SIPA1L2: variants seen among roughly 807,000 people sequenced by gnomAD.
SIPA1L2 encodes signal induced proliferation associated 1 like 2.
SIPA1L2 carries 56 observed loss-of-function variants against 163.9 expected under a neutral mutation model. That is an observed-to-expected ratio of 0.34 (90% CI 0.28 to 0.43). The LOEUF (loss-of-function observed/expected upper bound fraction) is 0.43. SIPA1L2 is among the 20% of genes least tolerant of loss of function. The pLI, the probability that SIPA1L2 is intolerant of heterozygous loss-of-function variation, is 1.00. For synonymous variants in SIPA1L2, 877 were observed against 865.7 expected, an observed-to-expected ratio of 1.01 and a Z score of -0.23; for missense variants, 1,974 against 2,193.5, an observed-to-expected ratio of 0.90 and a Z score of 2.00.
intron 15 of SIPA1L2, among the ~76,000 whole-genome samples, chr1:232,434,057 G>A (rs2102839303): frequency 6.6e-6 from 1 of 152,332 alleles, no homozygotes; most frequent in East Asian, 1.9e-4. Flanking sequence ...AAGTGACCCA[G>A]CAAAGGATTA....
chr1:232,558,420 C>T (rs1039251545), intron 2 of SIPA1L2, among the ~76,000 whole-genome samples: 16 of 152,186 alleles, frequency 1.1e-4, no homozygotes, highest in African/African-American at 3.6e-4. Flanking sequence ...CCCCCGGCCA[C>T]GGTTCTGATG....
chr1:232,403,096 G>A (rs1423485093), intron 21 of SIPA1L2, among the ~76,000 whole-genome samples: 24 of 152,238 alleles, frequency 1.6e-4, no homozygotes, highest in Admixed American at 1.5e-3. Context: ...AAGGCCAATC[G>A]GCGAGTTATC....
intron 7 of SIPA1L2, among the ~76,000 whole-genome samples, chr1:232,474,325 C>T (rs370616182): frequency 8.5e-5 from 13 of 152,276 alleles, no homozygotes; most frequent in South Asian, 8.3e-4. Flanking sequence ...TTCTAACACT[C>T]GATTCCAGCT....
Position 232,578,260 on chromosome 1 carries a change from GAA to G in SIPA1L2, c.-318-4040_-318-4039del, listed in dbSNP as rs11341816. On this transcript the variant is annotated intron_variant, in intron 1 of 22. Transcript: ENST00000674635. Reference sequence around the variant, plus strand: ...GTAACTGTAACTTTTAAATGCACTGGAAAAAAAAAAAATCTGTGTGACTTGCT... The same window carrying G: ...GTAACTGTAACTTTTAAATGCACTGGAAAAAAAAAATCTGTGTGACTTGCT... 2.0e-3 allele frequency among the ~76,000 whole-genome samples: 296 copies of G among 146,096 alleles called. 1 individual carries two copies. Among genetic ancestry groups the G allele is most frequent in the African/African-American group, 5.0e-3 (198 of 39,938 alleles).
At chr1:232,499,389 CTGA>C (rs1558225217) in intron 3 of SIPA1L2, among the ~76,000 whole-genome samples, 1 of 152,190 alleles carries the variant, frequency 6.6e-6, no homozygotes, top group African/African-American at 2.4e-5. Context: ...AGCCTTACTG[CTGA>C]TATGAAGAAA....
intron 18 of SIPA1L2, 91 bp from the exon 19 acceptor site, chr1:232,415,716 CCA>C: frequency 1.3e-6 from 2 of 1,561,754 alleles, no homozygotes; most frequent in Admixed American, 3.5e-5. Flanking sequence ...ACTGCCCCTC[CCA>C]GAGTCAGTCA....
rs1667119308 is a variant in SIPA1L2 at position 232,514,358 on chromosome 1, A to G, written c.982T>C (p.Cys328Arg). Residue 328 changes from cysteine (C) to arginine (R), a missense_variant, in exon 3 of 23, where the codon TGT (cysteine) becomes CGT (arginine). Physicochemically the swap from Cys to Arg is radical, Grantham distance 180 (BLOSUM62 -3). Around this residue, in one of 3 missense-constraint regions of SIPA1L2, gnomAD observed 607 missense variants for 624.0 expected, o/e 0.97. Transcript: ENST00000674635. Reference protein sequence around the residue: ...RGIRPWNCQRCFAHYDVQSIL... With the variant: ...RGIRPWNCQRRFAHYDVQSIL... ...CTCTGGACATCATAATGTGCAAAACATCGCTGACAATTCCAAGGGCGAATG... is the reference window on the plus strand; with the variant it reads ...CTCTGGACATCATAATGTGCAAAACGTCGCTGACAATTCCAAGGGCGAATG... 1 of 1,613,470 alleles carries G rather than the reference A, an allele frequency of 6.2e-7. No individual in the cohort carries two copies. The highest frequency in any genetic ancestry group is 8.5e-7 in the Non-Finnish European group (1 of 1,180,038).
intron 19 of SIPA1L2, among the ~76,000 whole-genome samples, chr1:232,404,873 A>G (rs540868157): frequency 6.6e-6 from 1 of 152,188 alleles, no homozygotes; most frequent in East Asian, 1.9e-4. Flanking sequence ...TTGGTTTCTG[A>G]GCACACTTAT....
At chr1:232,563,515 T>C (rs1015801637) in intron 2 of SIPA1L2, among the ~76,000 whole-genome samples, 2 of 152,192 alleles carry the variant, frequency 1.3e-5, no homozygotes, top group Non-Finnish European at 2.9e-5. Flanking sequence ...AGAAGGTCTG[T>C]TGTGATGATT....
chr1:232,626,487 C>T (rs758565142), intron 1 of SIPA1L2, among the ~76,000 whole-genome samples: 19 of 152,112 alleles, frequency 1.2e-4, no homozygotes, highest in Admixed American at 2.6e-4. Flanking sequence ...GATCTGGCTC[C>T]CTTCTACAGC....
intron 5 of SIPA1L2, 41 bp downstream of exon 5, chr1:232,490,833 A>T: frequency 1.3e-6 from 2 of 1,540,244 alleles, no homozygotes; most frequent in Non-Finnish European, 1.8e-6. Context: ...AGAAACAGAC[A>T]CAAATTCACA....
intron 2 of SIPA1L2, among the ~76,000 whole-genome samples, chr1:232,563,532 T>C (rs1351256254): frequency 6.6e-6 from 1 of 152,214 alleles, no homozygotes; most frequent in Admixed American, 6.5e-5. Context: ...GATTACATTA[T>C]AATAATTATT....
At chr1:232,441,701 G>T in intron 13 of SIPA1L2, 67 bp downstream of exon 13, 2 of 1,283,952 alleles carry the variant, frequency 1.6e-6, no homozygotes, top group South Asian at 2.5e-5. Flanking sequence ...GAAGTGATGG[G>T]AGAGGAGGGG....
intron 3 of SIPA1L2, among the ~76,000 whole-genome samples, chr1:232,507,017 A>C (rs957015884): frequency 6.6e-6 from 1 of 152,326 alleles, no homozygotes. Context: ...TACATTTGTT[A>C]TGATGAACGA....
At chr1:232,521,209 C>T (rs897572382) in intron 2 of SIPA1L2, among the ~76,000 whole-genome samples, 15 of 152,096 alleles carry the variant, frequency 9.9e-5, no homozygotes, top group Non-Finnish European at 1.5e-4. Flanking sequence ...CTATGATCTG[C>T]GAAGGGGAAT....
chr1:232,533,710 C>T (rs555458205), intron 2 of SIPA1L2, among the ~76,000 whole-genome samples: 1 of 152,274 alleles, frequency 6.6e-6, no homozygotes, highest in South Asian at 2.1e-4. Flanking sequence ...CTCTGCTAGA[C>T]CCTTGATACA....
chr1:232,609,231 G>A (rs1268009337), intron 1 of SIPA1L2, among the ~76,000 whole-genome samples: 1 of 152,148 alleles, frequency 6.6e-6, no homozygotes, highest in Non-Finnish European at 1.5e-5. Context: ...ACAAAATCCA[G>A]AATCCGTTTT....
At chr1:232,563,451 A>G (rs1416337469) in intron 2 of SIPA1L2, among the ~76,000 whole-genome samples, 1 of 152,190 alleles carries the variant, frequency 6.6e-6, no homozygotes, top group African/African-American at 2.4e-5. Flanking sequence ...ACACATTTCT[A>G]TAGTATACAC....
chr1:232,586,467 G>T lies in SIPA1L2; in HGVS notation c.-318-12245C>A, dbSNP rs578228445. Among the ~76,000 whole-genome samples, 3 of 151,548 alleles carry T rather than the reference G, an allele frequency of 2.0e-5. 1 individual carries two copies. In the South Asian group the frequency reaches 6.4e-4, roughly 32 times the overall value. The stretch of plus-strand genomic sequence containing the variant: ...TTCCTCCCAAAAGGCTCCAAAGACC[G>T]AACGACTCCAACCTGAGTGTTCGAG... On this transcript the variant is annotated intron_variant, in intron 1 of 22. Coordinates refer to ENST00000674635, the MANE Select transcript of SIPA1L2 (RefSeq NM_020808.5).
Sources: gnomAD v4.1 joint callset for allele counts (sites outside exome capture counted in the v4.1 genomes callset) on GRCh38, gnomAD v4.1.1 for gene constraint, gnomAD v4.1.1 regional missense constraint, MANE v1.5 for transcripts, NCBI Gene and HGNC (gene_info 2026-07-23, HGNC 2026-07-21) for gene names.